GABRG3: variants seen among roughly 807,000 people sequenced by gnomAD.
The protein encoded by GABRG3 is gamma-aminobutyric acid receptor subunit gamma-3.
In GABRG3, 25 loss-of-function variants were observed where a neutral mutation model predicts 48.8. That is an observed-to-expected ratio of 0.51 (90% CI 0.37 to 0.72). The LOEUF is 0.72. Ranked by LOEUF, GABRG3 falls within the 30% of genes least tolerant of loss-of-function variation. The probability of loss-of-function intolerance (pLI) is 0.00; values close to 1 mark genes in which losing one functional copy is unlikely to be tolerated. For synonymous variants in GABRG3, 227 were observed against 217.6 expected, an observed-to-expected ratio of 1.04 and a Z score of -0.38; for missense variants, 394 against 577.9, an observed-to-expected ratio of 0.68 and a Z score of 3.26.
intron 3 of GABRG3, among the ~76,000 whole-genome samples, chr15:27,239,068 T>C (rs1301782643): frequency 6.6e-6 from 1 of 152,114 alleles, no homozygotes; most frequent in Non-Finnish European, 1.5e-5. Context: ...ACTAGGTGTG[T>C]GTTCAGGGAG....
In GABRG3 at chr15:27,180,529, G is replaced by A. The variant is rs555124481; in HGVS notation, c.271-146280G>A. Among the ~76,000 whole-genome samples, 23 of 151,960 alleles carry A rather than the reference G, an allele frequency of 1.5e-4. No homozygotes were observed. Among genetic ancestry groups the A allele is most frequent in the Admixed American group, 1.3e-3 (20 of 15,254 alleles). ...CTTCCCTCAACAAACCCTGCTCCAC[G>A]TATACCCTCAGGTTCAACTCATCGC... On this transcript the variant is annotated intron_variant, in intron 3 of 9. Transcript: ENST00000615808. This position sits in a 1 kb window ranked among gnomAD's most constrained non-coding sequence, Gnocchi z 4.2.
At chr15:27,264,768 T>G (rs1185077027) in intron 3 of GABRG3, among the ~76,000 whole-genome samples, 1 of 152,020 alleles carries the variant, frequency 6.6e-6, no homozygotes, top group Non-Finnish European at 1.5e-5. Context: ...CCTACCAAAT[T>G]AAAACAAAAA....
chr15:27,248,703 A>C, intron 3 of GABRG3, among the ~76,000 whole-genome samples: 1 of 151,498 alleles, frequency 6.6e-6, no homozygotes, highest in Non-Finnish European at 1.5e-5. Context: ...CAAATCAGTG[A>C]TCTGTAAAGT....
chr15:26,977,159 T>G lies in GABRG3; in HGVS notation c.202+9T>G. On this transcript the variant is annotated intron_variant, in intron 2 of 9. Coordinates refer to ENST00000615808, the MANE Select transcript of GABRG3 (RefSeq NM_033223.5). The stretch of plus-strand genomic sequence containing the variant: ...GAGGCCAGATATTGGAAGTGAGTGT[T>G]GTTTTTTGTTATTCTAATAGAAAAA... 1 of 1,604,560 alleles carries G rather than the reference T, an allele frequency of 6.2e-7. No individual in the cohort carries two copies. Among genetic ancestry groups the G allele is most frequent in the Non-Finnish European group, 8.5e-7 (1 of 1,175,648 alleles).
intron 3 of GABRG3, among the ~76,000 whole-genome samples, chr15:27,249,768 CTT>C (rs2140459037): frequency 6.6e-6 from 1 of 152,324 alleles, no homozygotes; most frequent in Non-Finnish European, 1.5e-5. Context: ...GCTGCAAAAC[CTT>C]TTACCAGACA....
At chr15:27,525,580 T>C (rs1891256375) in intron 7 of GABRG3, among the ~76,000 whole-genome samples, 1 of 152,180 alleles carries the variant, frequency 6.6e-6, no homozygotes, top group African/African-American at 2.4e-5. Flanking sequence ...ACATCTGGAA[T>C]ACAGGCCACT....
At chr15:27,409,171 A>G (rs1566828071) in intron 5 of GABRG3, among the ~76,000 whole-genome samples, 1 of 152,138 alleles carries the variant, frequency 6.6e-6, no homozygotes, top group African/African-American at 2.4e-5. Flanking sequence ...TCATACCTAA[A>G]AATTCATTGT....
intron 6 of GABRG3, among the ~76,000 whole-genome samples, chr15:27,518,610 G>A (rs1389614216): frequency 6.6e-6 from 1 of 152,118 alleles, no homozygotes; most frequent in Non-Finnish European, 1.5e-5. Flanking sequence ...GAGTGAATAG[G>A]AACTATCTAG....
At chr15:27,106,493 A>C (rs1897451947) in intron 3 of GABRG3, among the ~76,000 whole-genome samples, 1 of 152,042 alleles carries the variant, frequency 6.6e-6, no homozygotes, top group Non-Finnish European at 1.5e-5. Context: ...GAAAGATTTC[A>C]AAGGTATCTA....
intron 3 of GABRG3, among the ~76,000 whole-genome samples, chr15:27,288,943 T>G (rs1479613870): frequency 6.6e-6 from 1 of 152,216 alleles, no homozygotes; most frequent in Non-Finnish European, 1.5e-5. Context: ...ATGTATTCAC[T>G]GCGTATAGAA....
intron 5 of GABRG3, among the ~76,000 whole-genome samples, chr15:27,376,313 T>G (rs995614305): frequency 6.6e-6 from 1 of 152,216 alleles, no homozygotes; most frequent in African/African-American, 2.4e-5. Context: ...CTTTTCCTGG[T>G]GCACGATGCA....
At chr15:27,074,013 G>A (rs1232220048) in intron 3 of GABRG3, among the ~76,000 whole-genome samples, 1 of 152,210 alleles carries the variant, frequency 6.6e-6, no homozygotes, top group Admixed American at 6.5e-5. Flanking sequence ...CAATCATGGT[G>A]GAAGGCAGGG....
At chr15:27,439,565 T>C (rs577228772) in intron 5 of GABRG3, among the ~76,000 whole-genome samples, 32 of 151,984 alleles carry the variant, frequency 2.1e-4, no homozygotes, top group Non-Finnish European at 4.0e-4. Context: ...CCCACGGGGG[T>C]CCATGTATGT....
chr15:26,994,233 T>G (rs951449089), intron 2 of GABRG3, among the ~76,000 whole-genome samples: 9 of 152,050 alleles, frequency 5.9e-5, no homozygotes, highest in African/African-American at 1.9e-4. Context: ...AGGGACTTAC[T>G]TATGCTGTTT....
intron 3 of GABRG3, among the ~76,000 whole-genome samples, chr15:27,036,949 C>T: frequency 6.6e-6 from 1 of 152,154 alleles, no homozygotes; most frequent in Non-Finnish European, 1.5e-5. Flanking sequence ...AAGGGTGGCC[C>T]CTACTGCAGT....
At chr15:27,217,338 T>C (rs1461750214) in intron 3 of GABRG3, among the ~76,000 whole-genome samples, 3 of 152,204 alleles carry the variant, frequency 2.0e-5, no homozygotes, top group African/African-American at 7.2e-5. Flanking sequence ...ATATGATCAG[T>C]GGACTGGAAG....
At chr15:27,046,050 G>A (rs1302521414) in intron 3 of GABRG3, among the ~76,000 whole-genome samples, 3 of 152,136 alleles carry the variant, frequency 2.0e-5, no homozygotes, top group African/African-American at 7.2e-5. Flanking sequence ...GAAGGGCGAG[G>A]GAAGGGATGC....
intron 3 of GABRG3, among the ~76,000 whole-genome samples, chr15:27,229,356 T>C (rs1280538096): frequency 6.6e-6 from 1 of 152,218 alleles, no homozygotes; most frequent in Non-Finnish European, 1.5e-5. Context: ...ATGGCTTGTT[T>C]TTTTCAGCTT....
At chr15:27,088,973 G>T (rs534575512) in intron 3 of GABRG3, among the ~76,000 whole-genome samples, 2 of 152,252 alleles carry the variant, frequency 1.3e-5, no homozygotes, top group Admixed American at 1.3e-4. Context: ...ATTGAAGCCC[G>T]ATGAACACGG....
Sources: gnomAD v4.1 joint callset for allele counts (sites outside exome capture counted in the v4.1 genomes callset) on GRCh38, gnomAD v4.1.1 for gene constraint, Gnocchi (gnomAD v3.1) non-coding constraint, MANE v1.5 for transcripts, NCBI Gene and HGNC (gene_info 2026-07-23, HGNC 2026-07-21) for gene names.